Variants in FTO observed in about 807,000 individuals in gnomAD.
The protein encoded by FTO is FTO alpha-ketoglutarate dependent dioxygenase.
A neutral mutation model predicts 63.9 loss-of-function variants in FTO; 47 were observed. That is an observed-to-expected ratio of 0.74 (90% CI 0.58 to 0.94). The LOEUF is 0.94. Among genes scored for constraint, FTO ranks in the 40% least tolerant of loss-of-function variants. FTO has a pLI of 0.00. For synonymous variants in FTO, 207 were observed against 224.4 expected (o/e 0.92, Z 0.69); for missense variants, 562 against 618.1 (o/e 0.91, Z 0.96).
At chr16:53,918,793 G>T (rs2151952147) in intron 7 of FTO, among the ~76,000 whole-genome samples, 2 of 152,296 alleles carry the variant, frequency 1.3e-5, no homozygotes, top group Middle Eastern at 3.4e-3. Context: ...TTATCACATG[G>T]CAGTTTACCT....
rs1311031163 is a variant in FTO, at chr16:54,018,382, GATGATAGATAGATAGATA to G, written c.1364+84274_1364+84291del. On this transcript the variant is annotated intron_variant, in intron 8 of 8. Coordinates refer to ENST00000471389, the MANE Select transcript of FTO (RefSeq NM_001080432.3). ...GGCATGGTTATAGCTTAGATAGATAGATGATAGATAGATAGATAGATAGATAGATACATACATACATAC... is the reference window on the plus strand; with the variant it reads ...GGCATGGTTATAGCTTAGATAGATAGGATAGATAGATACATACATACATAC... 4.3e-4 allele frequency among the ~76,000 whole-genome samples: 15 copies of G among 35,160 alleles called. No homozygotes were observed. The African/African-American group carries it at 7.5e-3, about 17-fold the overall frequency. 23.1% of individuals were successfully genotyped at this position (35,160 alleles called of 152,430 possible).
intron 8 of FTO, among the ~76,000 whole-genome samples, chr16:54,050,797 ATTCTT>A (rs1309951686): frequency 2.0e-5 from 3 of 152,172 alleles, no homozygotes; most frequent in African/African-American, 2.4e-5. Flanking sequence ...CTTTAAAGCT[ATTCTT>A]TTCTTTTCTT....
At chr16:53,803,304 T>C (rs190399488) in intron 1 of FTO, among the ~76,000 whole-genome samples, 2 of 152,354 alleles carry the variant, frequency 1.3e-5, no homozygotes, top group Admixed American at 6.5e-5. Flanking sequence ...GAAGTCCTTC[T>C]GAGTGTTCTT....
chr16:54,103,936 A>T (rs553695335), intron 8 of FTO, among the ~76,000 whole-genome samples: 1 of 152,192 alleles, frequency 6.6e-6, no homozygotes, highest in South Asian at 2.1e-4. Context: ...ATGAGGTTAG[A>T]TTTTAAATGT....
intron 1 of FTO, among the ~76,000 whole-genome samples, chr16:53,754,724 A>G (rs971715936): frequency 5.3e-5 from 8 of 152,114 alleles, no homozygotes; most frequent in African/African-American, 1.7e-4. Flanking sequence ...ACCAAACAAC[A>G]CTCCATGAAA....
intron 8 of FTO, among the ~76,000 whole-genome samples, chr16:54,026,781 T>C (rs993142694): frequency 3.3e-5 from 5 of 152,160 alleles, no homozygotes; most frequent in African/African-American, 1.2e-4. Flanking sequence ...CTTTAGGTCA[T>C]TAAATAAAGT....
intron 8 of FTO, among the ~76,000 whole-genome samples, chr16:54,090,033 G>A (rs1247126845): frequency 5.3e-5 from 8 of 152,052 alleles, no homozygotes; most frequent in South Asian, 2.1e-4. Flanking sequence ...ACTCCTAGAT[G>A]TATACACAAA....
intron 7 of FTO, among the ~76,000 whole-genome samples, chr16:53,907,123 C>G (rs1009674869): frequency 3.9e-5 from 6 of 152,184 alleles, no homozygotes; most frequent in African/African-American, 1.2e-4. Flanking sequence ...AGGATAAAGA[C>G]TAAAATATAG....
intron 6 of FTO, among the ~76,000 whole-genome samples, chr16:53,882,615 T>C (rs1368615487): frequency 6.6e-6 from 1 of 152,128 alleles, no homozygotes; most frequent in Non-Finnish European, 1.5e-5. Flanking sequence ...AGGCTGCTAC[T>C]TGTAGGAGAA....
At chr16:53,856,284 G>A (rs1372470702) in intron 4 of FTO, among the ~76,000 whole-genome samples, 6 of 151,414 alleles carry the variant, frequency 4.0e-5, no homozygotes, top group African/African-American at 9.7e-5. Flanking sequence ...CCAGCAGCAC[G>A]TTTCAAGGTC....
intron 1 of FTO, among the ~76,000 whole-genome samples, chr16:53,744,798 C>T (rs1420549257): frequency 6.9e-6 from 1 of 145,356 alleles, no homozygotes; most frequent in East Asian, 2.0e-4. Context: ...TGCATCTGCT[C>T]TGTGACAGGA....
rs569939333 is a variant in FTO, at chr16:53,713,863, C to T, written c.45+9634C>T. ...ATCTTGTATAATTGAAACTTTATGC[C>T]GCTTGATTAGCTCTTTCCCATCCTC... On this transcript the variant is annotated intron_variant, in intron 1 of 8. Transcript: ENST00000471389. Among the ~76,000 whole-genome samples the T allele has an allele frequency of 5.9e-5, 9 of 152,158 alleles. No homozygotes were observed. In the East Asian group the frequency reaches 7.7e-4, roughly 13 times the overall value.
At chr16:54,027,708 G>T (rs893460229) in intron 8 of FTO, among the ~76,000 whole-genome samples, 1 of 152,270 alleles carries the variant, frequency 6.6e-6, no homozygotes, top group African/African-American at 2.4e-5. Context: ...CTCTGCCTCT[G>T]GCCTGAGTAA....
chr16:53,864,281 T>C (rs2151860101), intron 4 of FTO, among the ~76,000 whole-genome samples: 1 of 152,272 alleles, frequency 6.6e-6, no homozygotes, highest in Admixed American at 6.5e-5. Context: ...CATGATTGTT[T>C]CTCTAAGAAA....
intron 4 of FTO, 35 bp downstream of exon 4, chr16:53,844,333 C>G (rs745863059): frequency 1.2e-5 from 19 of 1,520,636 alleles, no homozygotes; most frequent in Non-Finnish European, 1.6e-5. Flanking sequence ...TATTGAAACT[C>G]TAGTGTCTAA....
intron 7 of FTO, among the ~76,000 whole-genome samples, chr16:53,894,758 G>A (rs562994545): frequency 2.3e-4 from 35 of 152,178 alleles, no homozygotes; most frequent in Admixed American, 1.8e-3. Context: ...TTTAAGAGCA[G>A]AGTATATTAT....
At chr16:54,096,717 C>G (rs947695947) in intron 8 of FTO, among the ~76,000 whole-genome samples, 1 of 152,078 alleles carries the variant, frequency 6.6e-6, no homozygotes, top group African/African-American at 2.4e-5. Context: ...AAGTTTCAGC[C>G]CCAATTAATA....
rs114026390 is a variant in FTO at position 54,089,716 on chromosome 16, G to A, written c.1365-22046G>A. On this transcript the variant is annotated intron_variant, in intron 8 of 8. Transcript: ENST00000471389. ...GAAGACAATCTAATTTTTAAAATGA[G>A]CGAAGGATTTCATTAGACATTTCTC... is the stretch of plus-strand genomic sequence containing the variant. Among the ~76,000 whole-genome samples the A allele has an allele frequency of 5.8e-3, 882 of 152,202 alleles. 11 individuals are homozygous for A. The highest frequency in any genetic ancestry group is 0.02 in the African/African-American group (840 of 41,530).
At chr16:53,768,088 G>A (rs185494514) in intron 1 of FTO, among the ~76,000 whole-genome samples, 3 of 152,220 alleles carry the variant, frequency 2.0e-5, no homozygotes, top group East Asian at 3.9e-4. Context: ...CACAGGCCTG[G>A]GCACAAGTAT....
Sources: gnomAD v4.1 joint callset for allele counts (sites outside exome capture counted in the v4.1 genomes callset) on GRCh38, gnomAD v4.1.1 for gene constraint, MANE v1.5 for transcripts, NCBI Gene and HGNC (gene_info 2026-07-23, HGNC 2026-07-21) for gene names.